The following LIAT1 variants were observed in gnomAD, a reference collection of about 807,000 sequenced individuals.
The protein encoded by LIAT1 is ligand of ATE1.
chr17:411,949 A>G, the LIAT1 span, among the ~76,000 whole-genome samples: 8 of 152,224 alleles, frequency 5.3e-5, no homozygotes, highest in Non-Finnish European at 7.3e-5. Context: ...CACCAAGGCA[A>G]GCAGGAGGCA....
the LIAT1 span, chr17:414,162 A>G: frequency 1.3e-6 from 2 of 1,574,442 alleles, no homozygotes; most frequent in South Asian, 2.4e-5. This position sits in a 1 kb window ranked among gnomAD's most constrained non-coding sequence, Gnocchi z 4.1. Flanking sequence ...CCTCACCACA[A>G]GTTTATGTGT....
At chr17:411,628 C>T in the LIAT1 span, among the ~76,000 whole-genome samples, 1 of 152,188 alleles carries the variant, frequency 6.6e-6, no homozygotes, top group Non-Finnish European at 1.5e-5. Context: ...TATCCATTCG[C>T]GTGTGTAGTC....
chr17:410,464 G>C, the LIAT1 span: 1 of 1,540,822 alleles, frequency 6.5e-7, no homozygotes, highest in Non-Finnish European at 8.7e-7. Context: ...GACCGCCGCG[G>C]TGGGGCGGGG....
At chr17:412,301 C>CAAA in the LIAT1 span, among the ~76,000 whole-genome samples, 9 of 117,716 alleles carry the variant, frequency 7.6e-5, no homozygotes, top group Non-Finnish European at 9.1e-5. Context: ...GACTCAGTCT[C>CAAA]AAAAAAAAAA....
chr17:414,131 G>T, the LIAT1 span: 2 of 1,603,986 alleles, frequency 1.2e-6, no homozygotes, highest in Non-Finnish European at 1.7e-6. This position sits in a 1 kb window ranked among gnomAD's most constrained non-coding sequence, Gnocchi z 4.1. Context: ...TACCCACGAC[G>T]CTCACAAACT....
the LIAT1 span, chr17:410,535 C>T: frequency 6.5e-7 from 1 of 1,546,056 alleles, no homozygotes; most frequent in Non-Finnish European, 8.7e-7. Flanking sequence ...CGCCGCGGGC[C>T]CGCGGGGGTC....
chr17:414,606 A>G, the LIAT1 span: 1 of 159,096 alleles, frequency 6.3e-6, no homozygotes, highest in Non-Finnish European at 1.4e-5. The surrounding 1 kb of genome is among the most constrained non-coding windows in gnomAD (Gnocchi z 4.1). Context: ...ATCCCTGGGA[A>G]GTTACCATGG....
the LIAT1 span, among the ~76,000 whole-genome samples, chr17:411,985 C>G: frequency 2.0e-3 from 303 of 152,266 alleles, 2 homozygotes; most frequent in African/African-American, 7.2e-3. Context: ...CCATATGGAC[C>G]GTGCAGTGTG....
chr17:413,036 G>T, the LIAT1 span: 1 of 1,268,670 alleles, frequency 7.9e-7, no homozygotes, highest in Non-Finnish European at 1.1e-6. Context: ...CTGAGCCCTG[G>T]GTACGGAGGG....
At chr17:414,267 C>A in the LIAT1 span, 2 of 931,044 alleles carry the variant, frequency 2.1e-6, no homozygotes, top group Non-Finnish European at 3.2e-6. This position sits in a 1 kb window ranked among gnomAD's most constrained non-coding sequence, Gnocchi z 4.1. Flanking sequence ...CACCAAGCTG[C>A]CCTCGGTTGC....
the LIAT1 span, chr17:410,473 G>C: frequency 1.9e-6 from 3 of 1,542,832 alleles, no homozygotes; most frequent in Non-Finnish European, 2.6e-6. Flanking sequence ...GGTGGGGCGG[G>C]GACAATGGGG....
the LIAT1 span, chr17:413,379 C>T: frequency 7.4e-5 from 119 of 1,614,098 alleles, no homozygotes; most frequent in Non-Finnish European, 9.2e-5. Flanking sequence ...CTTGCTGACC[C>T]GGAGGCAGAG....
At chr17:410,996 C>G in the LIAT1 span, among the ~76,000 whole-genome samples, 1 of 152,208 alleles carries the variant, frequency 6.6e-6, no homozygotes, top group African/African-American at 2.4e-5. Context: ...GCCCTCCTCA[C>G]AAGACACTTT....
chr17:412,900 G>C, the LIAT1 span, among the ~76,000 whole-genome samples: 1 of 152,176 alleles, frequency 6.6e-6, no homozygotes, highest in Admixed American at 6.5e-5. Context: ...CGAAGAATAG[G>C]GCCGATCGCC....
At chr17:410,777 C>A in the LIAT1 span, 2 of 782,016 alleles carry the variant, frequency 2.6e-6, no homozygotes, top group Non-Finnish European at 4.0e-6. Context: ...TCCTGCTCCC[C>A]ACACATGCCC....
the LIAT1 span, chr17:413,920 C>T: frequency 3.7e-6 from 6 of 1,613,820 alleles, no homozygotes; most frequent in African/African-American, 1.3e-5. Flanking sequence ...ACCCCGACCC[C>T]GAGGCCCTCA....
At chr17:410,986 G>A in the LIAT1 span, among the ~76,000 whole-genome samples, 1 of 152,164 alleles carries the variant, frequency 6.6e-6, no homozygotes, top group South Asian at 2.1e-4. Flanking sequence ...CCCCACAGAG[G>A]CCCTCCTCAC....
chr17:410,713 C>G, the LIAT1 span: 2 of 1,426,766 alleles, frequency 1.4e-6, no homozygotes, highest in Non-Finnish European at 1.9e-6. Context: ...GGACCCACCC[C>G]CCATTTACCC....
chr17:410,708 C>T, the LIAT1 span: 4 of 1,452,878 alleles, frequency 2.8e-6, no homozygotes, highest in Non-Finnish European at 3.7e-6. Flanking sequence ...TTTGGGGACC[C>T]ACCCCCCATT....
Sources: gnomAD v4.1 joint callset for allele counts (sites outside exome capture counted in the v4.1 genomes callset) on GRCh38, gnomAD v4.1.1 for gene constraint, Gnocchi (gnomAD v3.1) non-coding constraint, MANE v1.5 for transcripts, NCBI Gene and HGNC (gene_info 2026-07-23, HGNC 2026-07-21) for gene names.